Variants in MAST4 observed in about 807,000 individuals in gnomAD.
MAST4 encodes the protein microtubule-associated serine/threonine-protein kinase 4.
Under a neutral mutation model 162.7 loss-of-function variants are expected in MAST4, and 89 were observed. The observed-to-expected ratio is 0.55, with a 90% CI of 0.46 to 0.65. The LOEUF (loss-of-function observed/expected upper bound fraction) is 0.65, where lower values mean the gene tolerates loss of function less well. MAST4 is among the 30% of genes least tolerant of loss of function. The pLI is 0.00. For missense variants in MAST4, 3,153 were observed against 3,374.0 expected, an observed-to-expected ratio of 0.93 and a Z score of 1.62; for synonymous variants, 1,479 against 1,361.1, an observed-to-expected ratio of 1.09 and a Z score of -1.91.
intron 3 of MAST4, among the ~76,000 whole-genome samples, chr5:66,888,044 T>TAA (rs1275388389): frequency 6.9e-6 from 1 of 145,170 alleles, no homozygotes; most frequent in Non-Finnish European, 1.5e-5. Flanking sequence ...CCGTCTCTAC[T>TAA]AAAAAAAAAA....
At chr5:66,899,884 A>T in intron 3 of MAST4, 67 bp from the exon 4 acceptor site, 1 of 1,258,416 alleles carries the variant, frequency 7.9e-7, no homozygotes, top group Non-Finnish European at 1.1e-6. Flanking sequence ...TACGTTATCC[A>T]TTTGGTATCC....
intron 3 of MAST4, among the ~76,000 whole-genome samples, chr5:66,816,671 T>G (rs1756743270): frequency 6.6e-6 from 1 of 152,142 alleles, no homozygotes; most frequent in African/African-American, 2.4e-5. Context: ...GCCATCACAC[T>G]GCATTTTCAG....
intron 1 of MAST4, among the ~76,000 whole-genome samples, chr5:66,696,355 T>C (rs2149503562): frequency 6.6e-6 from 1 of 151,272 alleles, no homozygotes; most frequent in African/African-American, 2.4e-5. Flanking sequence ...ATCCCAGAAC[T>C]TTAAAAAAAA....
chr5:66,863,818 C>G (rs1760288023), intron 3 of MAST4, among the ~76,000 whole-genome samples: 1 of 152,188 alleles, frequency 6.6e-6, no homozygotes, highest in Non-Finnish European at 1.5e-5. Flanking sequence ...AGAAGGGCAC[C>G]TGTCAGGTGA....
intron 4 of MAST4, among the ~76,000 whole-genome samples, chr5:66,928,583 TA>T (rs1765074861): frequency 6.6e-6 from 1 of 152,168 alleles, no homozygotes; most frequent in Non-Finnish European, 1.5e-5. Flanking sequence ...CATTACCTGT[TA>T]AATTGGCCTT....
At chr5:66,784,447 T>C (rs1427867869) in intron 2 of MAST4, among the ~76,000 whole-genome samples, 2 of 152,160 alleles carry the variant, frequency 1.3e-5, no homozygotes, top group African/African-American at 4.8e-5. Context: ...AGTCAAAAAC[T>C]TAATTCTTCA....
intron 1 of MAST4, among the ~76,000 whole-genome samples, chr5:66,709,529 G>A (rs1750358436): frequency 8.3e-6 from 1 of 121,200 alleles, no homozygotes; most frequent in Non-Finnish European, 1.7e-5. Context: ...GTTGTCCAGG[G>A]TGGTCTTGAA....
At chr5:66,709,131 T>G (rs1750333334) in intron 1 of MAST4, among the ~76,000 whole-genome samples, 1 of 152,198 alleles carries the variant, frequency 6.6e-6, no homozygotes, top group Non-Finnish European at 1.5e-5. Flanking sequence ...TTCCTTCTTC[T>G]GTTGAAATTA....
chr5:66,700,132 A>G (rs1288941318), intron 1 of MAST4, among the ~76,000 whole-genome samples: 1 of 152,212 alleles, frequency 6.6e-6, no homozygotes, highest in Non-Finnish European at 1.5e-5. Context: ...AGGCATAATA[A>G]GGGTGTTATG....
chr5:67,019,033 T>A (rs10041624), intron 4 of MAST4, among the ~76,000 whole-genome samples: 32,762 of 152,106 alleles, frequency 0.22, 3,965 homozygotes, highest in Non-Finnish European at 0.27. Flanking sequence ...TGTGCATGCA[T>A]ACCACAAAGT....
At chr5:66,627,180 C>T (rs1439894711) in intron 1 of MAST4, among the ~76,000 whole-genome samples, 2 of 152,038 alleles carry the variant, frequency 1.3e-5, no homozygotes, top group Admixed American at 1.3e-4. Flanking sequence ...CATGCAGCAG[C>T]AAGGAGAAGT....
chr5:66,684,975 T>C (rs374620962), intron 1 of MAST4, among the ~76,000 whole-genome samples: 4 of 152,218 alleles, frequency 2.6e-5, no homozygotes, highest in East Asian at 3.9e-4. Flanking sequence ...ATAAAAAGAA[T>C]AGCTGGCCAG....
At chr5:66,780,114 A>G (rs1754788643) in intron 2 of MAST4, among the ~76,000 whole-genome samples, 1 of 152,206 alleles carries the variant, frequency 6.6e-6, no homozygotes, top group African/African-American at 2.4e-5. Flanking sequence ...CTATTTTTAC[A>G]TGTATAATTT....
intron 4 of MAST4, among the ~76,000 whole-genome samples, chr5:67,044,139 C>G (rs1057280268): frequency 6.6e-6 from 1 of 152,214 alleles, no homozygotes; most frequent in Non-Finnish European, 1.5e-5. Flanking sequence ...AGCACATGCC[C>G]TTTATCTCTT....
chr5:66,701,850 G>A (rs57549978), intron 1 of MAST4, among the ~76,000 whole-genome samples: 30,548 of 151,916 alleles, frequency 0.2, 3,520 homozygotes, highest in East Asian at 0.31. Flanking sequence ...TATGAGAATT[G>A]GTTTTCACCT....
intron 1 of MAST4, among the ~76,000 whole-genome samples, chr5:66,751,728 T>C (rs1238585547): frequency 6.6e-6 from 1 of 150,604 alleles, no homozygotes; most frequent in African/African-American, 2.5e-5. Flanking sequence ...CTGCAGGATA[T>C]TATCCAGGAG....
chr5:67,016,889 A>C (rs1753349140), intron 4 of MAST4, among the ~76,000 whole-genome samples: 1 of 152,202 alleles, frequency 6.6e-6, no homozygotes, highest in Non-Finnish European at 1.5e-5. Flanking sequence ...ATCCCTTAGA[A>C]AGGACAAAAA....
intron 4 of MAST4, among the ~76,000 whole-genome samples, chr5:66,903,388 ATTT>A (rs979132172): frequency 6.6e-6 from 1 of 151,158 alleles, no homozygotes; most frequent in Non-Finnish European, 1.5e-5. Flanking sequence ...ATTTATGTAG[ATTT>A]TTAAGTAATT....
intron 14 of MAST4, among the ~76,000 whole-genome samples, chr5:67,123,405 G>T (rs184901668): frequency 1.3e-5 from 2 of 152,198 alleles, no homozygotes; most frequent in African/African-American, 4.8e-5. Context: ...GAAGTTAAAC[G>T]TGTCTTTTTG....
Sources: gnomAD v4.1 joint callset for allele counts (sites outside exome capture counted in the v4.1 genomes callset) on GRCh38, gnomAD v4.1.1 for gene constraint, MANE v1.5 for transcripts, NCBI Gene and HGNC (gene_info 2026-07-23, HGNC 2026-07-21) for gene names.